CDC42SE2: variants seen among roughly 807,000 people sequenced by gnomAD.
CDC42SE2 encodes CDC42 small effector 2.
A neutral mutation model predicts 11.5 loss-of-function variants in CDC42SE2; 3 were observed. The observed-to-expected ratio is 0.26, with a 90% CI of 0.12 to 0.67. The LOEUF is 0.67. Ranked by LOEUF, CDC42SE2 falls within the 30% of genes least tolerant of loss-of-function variation. CDC42SE2 has a pLI of 0.80. For synonymous variants in CDC42SE2, 33 were observed against 34.8 expected, an observed-to-expected ratio of 0.95 and a Z score of 0.18; for missense variants, 82 against 106.8, an observed-to-expected ratio of 0.77 and a Z score of 1.02.
chr5:131,384,701 G>A (rs1750423872), intron 3 of CDC42SE2, among the ~76,000 whole-genome samples: 1 of 152,042 alleles, frequency 6.6e-6, no homozygotes, highest in Admixed American at 6.6e-5. Context: ...GGGTAGATGA[G>A]CATATTGGTC....
the CDC42SE2 span, among the ~76,000 whole-genome samples, chr5:131,229,856 C>T: frequency 3.3e-5 from 5 of 152,118 alleles, no homozygotes; most frequent in South Asian, 2.1e-4. Flanking sequence ...ATCACTTGAG[C>T]CTGGCATATA....
At chr5:131,238,794 AT>A in the CDC42SE2 span, among the ~76,000 whole-genome samples, 1 of 152,048 alleles carries the variant, frequency 6.6e-6, no homozygotes, top group Admixed American at 6.6e-5. Flanking sequence ...GTTTTTCAAA[AT>A]CAAAATTGTC....
At position 131,283,514 on chromosome 5, in the gene CDC42SE2, A is replaced by G. The variant is rs970400243; in HGVS notation, c.-455+19348A>G. ...CATCATTCTCTTTTTTTTTTTTGAG[A>G]TGGAGTTTCGCTCTTGTTATCCAGG... On this transcript the variant is annotated intron_variant, in intron 1 of 4. Transcript: ENST00000505065. 2.0e-5 allele frequency among the ~76,000 whole-genome samples: 3 copies of G among 148,280 alleles called. 1 individual carries two copies. The highest frequency in any genetic ancestry group is 7.5e-5 in the African/African-American group (3 of 40,118).
chr5:131,281,059 G>A (rs186441864), intron 1 of CDC42SE2, among the ~76,000 whole-genome samples: 58 of 152,242 alleles, frequency 3.8e-4, no homozygotes, highest in Admixed American at 8.5e-4. Context: ...TGTTTGGGTC[G>A]TTAAATAGCA....
chr5:131,307,528 C>T (rs536918561), intron 1 of CDC42SE2, among the ~76,000 whole-genome samples: 27 of 152,116 alleles, frequency 1.8e-4, no homozygotes, highest in African/African-American at 5.8e-4. Context: ...AGTAAACATA[C>T]GTGTGCATGT....
chr5:131,300,153 T>G (rs529098909), intron 1 of CDC42SE2, among the ~76,000 whole-genome samples: 1 of 152,274 alleles, frequency 6.6e-6, no homozygotes, highest in African/African-American at 2.4e-5. Context: ...CTAGCTTTTA[T>G]TCTGGAATTC....
intron 1 of CDC42SE2, among the ~76,000 whole-genome samples, chr5:131,277,205 C>G (rs887147512): frequency 2.0e-5 from 3 of 152,172 alleles, no homozygotes; most frequent in African/African-American, 4.8e-5. Flanking sequence ...GTTAGCATTT[C>G]ACACATAACC....
intron 1 of CDC42SE2, among the ~76,000 whole-genome samples, chr5:131,276,280 A>AC (rs1435044113): frequency 9.4e-5 from 5 of 52,938 alleles, no homozygotes; most frequent in Admixed American, 6.6e-4. Context: ...AACCCCATCT[A>AC]CAAAAAAAAA....
At chr5:131,289,370 A>G (rs1206493121) in intron 1 of CDC42SE2, among the ~76,000 whole-genome samples, 1 of 152,194 alleles carries the variant, frequency 6.6e-6, no homozygotes, top group African/African-American at 2.4e-5. Flanking sequence ...GCAAGGAGTC[A>G]TGTCAAGAGT....
chr5:131,218,420 T>A, the CDC42SE2 span, among the ~76,000 whole-genome samples: 1 of 152,182 alleles, frequency 6.6e-6, no homozygotes, highest in Non-Finnish European at 1.5e-5. Context: ...GCACTTGGAA[T>A]TTTCACATGC....
intron 1 of CDC42SE2, among the ~76,000 whole-genome samples, chr5:131,309,324 G>C (rs1295904265): frequency 6.6e-6 from 1 of 151,556 alleles, no homozygotes; most frequent in Non-Finnish European, 1.5e-5. Flanking sequence ...TAAGCTTTTT[G>C]ATGTGCTGCT....
chr5:131,272,337 C>G (rs1174727534), intron 1 of CDC42SE2, among the ~76,000 whole-genome samples: 21 of 152,056 alleles, frequency 1.4e-4, no homozygotes, highest in Admixed American at 1.4e-3. Flanking sequence ...TTCTGTAATC[C>G]TAGTACGTTT....
rs1395400578 is a variant in CDC42SE2 at position 131,393,628 on chromosome 5, A to C, written c.*2537A>C. 6.6e-6 allele frequency: 1 copy of C among 152,348 alleles called. No homozygotes were observed. Among genetic ancestry groups the C allele is most frequent in the Non-Finnish European group, 1.5e-5 (1 of 68,046 alleles). 9.4% of individuals were successfully genotyped at this position (152,348 alleles called of 1,614,324 possible). A position where few individuals can be genotyped will look rare whatever the true frequency, so the allele number is the denominator to read the frequency against. ...AGGGACATTGCTATGTGCTGTGTGC[A>C]AGCTCTTTAGAAGAGAGATTGGATT... On this transcript the variant is annotated 3_prime_UTR_variant, in exon 5 of 5. Coordinates refer to ENST00000505065, the MANE Select transcript of CDC42SE2 (RefSeq NM_001375635.1).
intron 2 of CDC42SE2, among the ~76,000 whole-genome samples, chr5:131,336,834 C>T (rs527806869): frequency 3.9e-5 from 6 of 152,256 alleles, no homozygotes; most frequent in Admixed American, 2.0e-4. Context: ...GGTCCTTTAA[C>T]GACTTCTCTG....
At chr5:131,326,585 T>C (rs1309036799) in intron 2 of CDC42SE2, among the ~76,000 whole-genome samples, 1 of 152,194 alleles carries the variant, frequency 6.6e-6, no homozygotes. Flanking sequence ...TGTTAATATT[T>C]CCAACTGCAA....
chr5:131,387,990 TTGTTCAATTAG>T (rs1750538148), intron 4 of CDC42SE2, among the ~76,000 whole-genome samples: 1 of 152,174 alleles, frequency 6.6e-6, no homozygotes. Flanking sequence ...AGGAATGGTG[TTGTTCAATTAG>T]TAACTTTTTT....
At chr5:131,300,430 G>C (rs1469393461) in intron 1 of CDC42SE2, among the ~76,000 whole-genome samples, 1 of 152,096 alleles carries the variant, frequency 6.6e-6, no homozygotes, top group Admixed American at 6.6e-5. Flanking sequence ...TTATAAATTA[G>C]GGTGACCATA....
chr5:131,337,945 C>T (rs1053988175), intron 2 of CDC42SE2, among the ~76,000 whole-genome samples: 42 of 151,814 alleles, frequency 2.8e-4, no homozygotes, highest in African/African-American at 8.9e-4. Flanking sequence ...GCCCTGCTTC[C>T]GCTCACGCAC....
At chr5:131,286,035 CT>C (rs1757332471) in intron 1 of CDC42SE2, among the ~76,000 whole-genome samples, 1 of 148,162 alleles carries the variant, frequency 6.7e-6, no homozygotes, top group Non-Finnish European at 1.5e-5. Context: ...AAAGGAAAGT[CT>C]GGGAAATGTA....
Sources: gnomAD v4.1 joint callset for allele counts (sites outside exome capture counted in the v4.1 genomes callset) on GRCh38, gnomAD v4.1.1 for gene constraint, MANE v1.5 for transcripts, NCBI Gene and HGNC (gene_info 2026-07-23, HGNC 2026-07-21) for gene names.